Variants in EGFLAM observed in about 807,000 individuals in gnomAD.
EGFLAM encodes the protein pikachurin.
EGFLAM carries 79 observed loss-of-function variants against 113.1 expected under a neutral mutation model. That is an observed-to-expected ratio of 0.70 (90% CI 0.58 to 0.84). The LOEUF (loss-of-function observed/expected upper bound fraction) is 0.84, where lower values mean the gene tolerates loss of function less well. Ranked by LOEUF, EGFLAM falls within the 40% of genes least tolerant of loss-of-function variation. The pLI, the probability that EGFLAM is intolerant of heterozygous loss-of-function variation, is 0.00. For synonymous variants in EGFLAM, 504 were observed against 487.6 expected, an observed-to-expected ratio of 1.03 and a Z score of -0.44; for missense variants, 1,265 against 1,291.6, an observed-to-expected ratio of 0.98 and a Z score of 0.32.
intron 1 of EGFLAM, among the ~76,000 whole-genome samples, chr5:38,328,289 A>G (rs1738941476): frequency 1.3e-5 from 2 of 152,286 alleles, no homozygotes; most frequent in South Asian, 2.1e-4. Flanking sequence ...CTATCACGAG[A>G]ACAACAAGGG....
intron 6 of EGFLAM, among the ~76,000 whole-genome samples, chr5:38,385,270 T>TC (rs1218977395): frequency 0.013 from 404 of 30,700 alleles, 1 homozygote; most frequent in Middle Eastern, 0.029. Context: ...AAGGACTGTT[T>TC]CCCACCCACC....
At chr5:38,359,803 A>T (rs1013342948) in intron 5 of EGFLAM, among the ~76,000 whole-genome samples, 2 of 152,204 alleles carry the variant, frequency 1.3e-5, no homozygotes, top group African/African-American at 4.8e-5. Context: ...TATTTATATT[A>T]ATAAGTGAGA....
intron 1 of EGFLAM, among the ~76,000 whole-genome samples, chr5:38,324,043 CAA>C (rs34351121): frequency 0.16 from 14,697 of 92,400 alleles, 727 homozygotes; most frequent in Middle Eastern, 0.21. Context: ...CCATCTCAAA[CAA>C]AAAAAAAAAA....
chr5:38,334,340 C>T (rs1461618500), intron 1 of EGFLAM, among the ~76,000 whole-genome samples: 1 of 152,170 alleles, frequency 6.6e-6, no homozygotes, highest in African/African-American at 2.4e-5. Context: ...TGGAGGCAGA[C>T]AAGTCTAAGA....
intron 3 of EGFLAM, among the ~76,000 whole-genome samples, chr5:38,342,369 A>G (rs1173498177): frequency 6.6e-6 from 1 of 152,224 alleles, no homozygotes; most frequent in Non-Finnish European, 1.5e-5. Context: ...CTCTTTTATC[A>G]ATCCCTTATT....
At chr5:38,293,637 T>G (rs950841293) in intron 1 of EGFLAM, among the ~76,000 whole-genome samples, 3 of 152,290 alleles carry the variant, frequency 2.0e-5, no homozygotes, top group Non-Finnish European at 4.4e-5. Context: ...AATGGTGGAG[T>G]TGCAGGTTTT....
Position 38,330,322 on chromosome 5 carries a change from C to CA in EGFLAM, c.98-7196dup, listed in dbSNP as rs150878525. Among the ~76,000 whole-genome samples the CA allele has an allele frequency of 5.2e-3, 791 of 152,244 alleles. 11 individuals are homozygous for CA. The highest frequency in any genetic ancestry group is 0.019 in the African/African-American group (772 of 41,536). ...ATTTTCCTGCTGCTATTTCTCCAGC[C>CA]AAGCAAGGCCATCAAAACATGAGAA... On this transcript the variant is annotated intron_variant, in intron 1 of 21. Transcript: ENST00000322350.
chr5:38,458,726 A>C (rs1221255452), intron 20 of EGFLAM, among the ~76,000 whole-genome samples: 1 of 152,166 alleles, frequency 6.6e-6, no homozygotes, highest in Non-Finnish European at 1.5e-5. Flanking sequence ...GACACCTGGA[A>C]TACCAGCACT....
chr5:38,304,708 G>A (rs1236584300), intron 1 of EGFLAM, among the ~76,000 whole-genome samples: 1 of 152,086 alleles, frequency 6.6e-6, no homozygotes, highest in African/African-American at 2.4e-5. Context: ...AGATAATCAA[G>A]GATTCCTAAG....
chr5:38,408,948 C>A, intron 9 of EGFLAM, 56 bp from the exon 10 acceptor site: 1 of 1,404,578 alleles, frequency 7.1e-7, no homozygotes, highest in Non-Finnish European at 9.9e-7. Flanking sequence ...CCAGGTGGTG[C>A]CTTAAGGAAG....
intron 1 of EGFLAM, among the ~76,000 whole-genome samples, chr5:38,268,376 C>T (rs1271211695): frequency 6.7e-6 from 1 of 149,262 alleles, no homozygotes; most frequent in African/African-American, 2.5e-5. Context: ...AATGGACCTC[C>T]AGGGTGGGAG....
intron 17 of EGFLAM, among the ~76,000 whole-genome samples, chr5:38,441,888 T>C (rs1742547045): frequency 6.6e-6 from 1 of 152,106 alleles, no homozygotes; most frequent in Admixed American, 6.5e-5. Context: ...TGTGCAGGAT[T>C]CCACAGGCCA....
At position 38,263,319 on chromosome 5, in the gene EGFLAM, G is replaced by A. The variant is rs1410101289; in HGVS notation, c.97+4468G>A. Among the ~76,000 whole-genome samples, 5 of 152,098 alleles carry A rather than the reference G, an allele frequency of 3.3e-5. No homozygotes were observed. The East Asian group carries it at 5.8e-4, about 18-fold the overall frequency. ...TCTACAAAAAATACAAAAATTAGCCGGGCTTGGTGGCGCGTGCCTGTAGTC... is the reference window on the plus strand; with the variant it reads ...TCTACAAAAAATACAAAAATTAGCCAGGCTTGGTGGCGCGTGCCTGTAGTC... On this transcript the variant is annotated intron_variant, in intron 1 of 21. Coordinates refer to ENST00000322350, the MANE Select transcript of EGFLAM (RefSeq NM_152403.4).
At chr5:38,385,737 G>GT (rs372838607) in intron 6 of EGFLAM, among the ~76,000 whole-genome samples, 110 of 152,310 alleles carry the variant, frequency 7.2e-4, no homozygotes, top group African/African-American at 2.4e-3. Flanking sequence ...GTGTGGTCAT[G>GT]TCCCATTGAA....
intron 12 of EGFLAM, 29 bp downstream of exon 12, chr5:38,418,284 CTCTTATGGGACTTATG>C (rs1171041566): frequency 6.2e-7 from 1 of 1,610,760 alleles, no homozygotes; most frequent in African/African-American, 1.3e-5. Context: ...GGTTGGGGTA[CTCTTATGGGACTTATG>C]TCTTATGGGA....
At chr5:38,385,334 A>C (rs945760232) in intron 6 of EGFLAM, among the ~76,000 whole-genome samples, 1 of 133,474 alleles carries the variant, frequency 7.5e-6, no homozygotes, top group African/African-American at 2.8e-5. Context: ...AAGATGCTCA[A>C]GTCTCTTATA....
chr5:38,448,490 C>A, intron 18 of EGFLAM, 111 bp downstream of exon 18: 1 of 1,102,098 alleles, frequency 9.1e-7, no homozygotes, highest in Non-Finnish European at 1.4e-6. Context: ...TCAAAGAAGA[C>A]CATTCAGCCA....
chr5:38,307,520 G>A (rs576061662), intron 1 of EGFLAM, among the ~76,000 whole-genome samples: 1 of 152,274 alleles, frequency 6.6e-6, no homozygotes, highest in South Asian at 2.1e-4. Context: ...GTTTCCTGAG[G>A]CCTTTCAGGC....
intron 17 of EGFLAM, among the ~76,000 whole-genome samples, chr5:38,445,864 G>A (rs1742692171): frequency 6.6e-6 from 1 of 152,162 alleles, no homozygotes; most frequent in African/African-American, 2.4e-5. Context: ...TCTCTCCTGA[G>A]CTGGGGGCTG....
Sources: gnomAD v4.1 joint callset for allele counts (sites outside exome capture counted in the v4.1 genomes callset) on GRCh38, gnomAD v4.1.1 for gene constraint, MANE v1.5 for transcripts, NCBI Gene and HGNC (gene_info 2026-07-23, HGNC 2026-07-21) for gene names.